APP: variants seen among roughly 807,000 people sequenced by gnomAD.
APP encodes amyloid beta precursor protein, also known as amyloid-beta precursor protein.
In APP, 31 loss-of-function variants were observed where a neutral mutation model predicts 101.4. The ratio of observed to expected loss-of-function variants is 0.31; its 90% CI spans 0.23 to 0.41. APP has a LOEUF of 0.41. Among genes scored for constraint, APP ranks in the 10% least tolerant of loss-of-function variants. The pLI is 1.00. For missense variants in APP, 839 were observed against 1,003.7 expected, an observed-to-expected ratio of 0.84 and a Z score of 2.22; for synonymous variants, 366 against 364.4, an observed-to-expected ratio of 1.00 and a Z score of -0.05.
chr21:26,106,996 T>C (rs1431881762), intron 2 of APP, among the ~76,000 whole-genome samples: 5 of 152,148 alleles, frequency 3.3e-5, no homozygotes, highest in African/African-American at 9.7e-5. Flanking sequence ...GCAAAAGAGA[T>C]TGCTGGGTGT....
In APP at chr21:26,021,865, T is replaced by TGTGGTG. The variant is rs527890624; in HGVS notation, c.834_839dup (p.Thr279_Thr280dup). On this transcript the variant is annotated inframe_insertion, in exon 6 of 18. Transcript: ENST00000346798. ...CTCGAACCACCTCTTCCACAGACTC[T>TGTGGTG]GTGGTGGTGGTGGTGGTGGTGGCAA... is the stretch of plus-strand genomic sequence containing the variant. 1.2e-5 allele frequency: 20 copies of TGTGGTG among 1,613,176 alleles called. No individual in the cohort carries two copies. The highest frequency in any genetic ancestry group is 2.2e-5 in the South Asian group (2 of 90,994).
intron 1 of APP, among the ~76,000 whole-genome samples, chr21:26,167,942 A>C (rs2063652936): frequency 6.6e-6 from 1 of 152,192 alleles, no homozygotes; most frequent in South Asian, 2.1e-4. Flanking sequence ...GAGCTTTACT[A>C]TTCTGTGTGT....
At chr21:26,160,563 T>C (rs2063468593) in intron 1 of APP, among the ~76,000 whole-genome samples, 1 of 152,148 alleles carries the variant, frequency 6.6e-6, no homozygotes, top group South Asian at 2.1e-4. Context: ...AAAAATACAA[T>C]TCTTTTAGAT....
chr21:25,986,414 C>A (rs2042638263), intron 8 of APP, among the ~76,000 whole-genome samples: 1 of 152,108 alleles, frequency 6.6e-6, no homozygotes, highest in Admixed American at 6.6e-5. Context: ...CTGATAAAGG[C>A]TAGGATTTCG....
intron 2 of APP, among the ~76,000 whole-genome samples, chr21:26,105,258 G>A (rs1168098712): frequency 3.3e-5 from 5 of 151,828 alleles, no homozygotes; most frequent in Admixed American, 2.0e-4. Context: ...CCAACAAAAC[G>A]GAATCAAAAT....
At chr21:26,103,149 C>T (rs763658214) in intron 2 of APP, among the ~76,000 whole-genome samples, 1 of 152,204 alleles carries the variant, frequency 6.6e-6, no homozygotes, top group Non-Finnish European at 1.5e-5. Context: ...TGGAAGCATA[C>T]TTTGTAATAT....
At chr21:26,026,435 G>GAAGGAGAAATGACATCACA (rs1460365079) in intron 5 of APP, among the ~76,000 whole-genome samples, 1 of 152,218 alleles carries the variant, frequency 6.6e-6, no homozygotes, top group Admixed American at 6.6e-5. Context: ...TTACTTGGAT[G>GAAGGAGAAATGACATCACA]AAGGAGAAAT....
At chr21:25,929,278 TATA>T (rs1426591986) in intron 13 of APP, among the ~76,000 whole-genome samples, 6 of 152,194 alleles carry the variant, frequency 3.9e-5, no homozygotes, top group East Asian at 1.9e-4. Flanking sequence ...ATTAATAAAA[TATA>T]ATGTTTTTAC....
chr21:26,027,232 C>G (rs1340929284), intron 5 of APP, among the ~76,000 whole-genome samples: 1 of 152,014 alleles, frequency 6.6e-6, no homozygotes, highest in African/African-American at 2.4e-5. Flanking sequence ...GAAAGCTCAG[C>G]AGGAAGAGGT....
intron 6 of APP, among the ~76,000 whole-genome samples, chr21:26,018,090 T>C (rs571844923): frequency 6.6e-6 from 1 of 152,362 alleles, no homozygotes; most frequent in East Asian, 1.9e-4. Flanking sequence ...TCATCGATTC[T>C]AACACAATAT....
chr21:25,991,657 C>T (rs112685277), intron 8 of APP, among the ~76,000 whole-genome samples: 25,565 of 152,176 alleles, frequency 0.17, 2,317 homozygotes, highest in South Asian at 0.34. Context: ...GGATTACAGG[C>T]GTGAGCCACT....
intron 13 of APP, among the ~76,000 whole-genome samples, chr21:25,952,355 G>A (rs1056543832): frequency 2.0e-5 from 3 of 146,450 alleles, no homozygotes; most frequent in Non-Finnish European, 4.5e-5. Context: ...CCCCTAATAT[G>A]TTCTTAATCC....
intron 3 of APP, among the ~76,000 whole-genome samples, chr21:26,076,237 T>C (rs543699997): frequency 5.3e-5 from 8 of 152,290 alleles, no homozygotes; most frequent in Non-Finnish European, 7.4e-5. Context: ...TTTCTTTACG[T>C]ATCCCTCAGG....
intron 13 of APP, among the ~76,000 whole-genome samples, chr21:25,944,255 G>GGCCTTGACCCCCT (rs1392052632): frequency 6.6e-6 from 1 of 152,136 alleles, no homozygotes; most frequent in Non-Finnish European, 1.5e-5. Context: ...GTAACGCCCT[G>GGCCTTGACCCCCT]GCCTTGACCC....
chr21:25,927,929 T>C (rs1304535805), intron 13 of APP, among the ~76,000 whole-genome samples: 1 of 152,132 alleles, frequency 6.6e-6, no homozygotes, highest in East Asian at 1.9e-4. Context: ...TAAAAGCAGA[T>C]TGTAGGGCTC....
intron 6 of APP, among the ~76,000 whole-genome samples, chr21:26,005,393 G>A (rs949413842): frequency 7.9e-5 from 12 of 152,106 alleles, no homozygotes; most frequent in African/African-American, 2.2e-4. Flanking sequence ...CAGCCTGGGC[G>A]ACAGAGTGAG....
At chr21:26,153,927 T>C (rs1424960153) in intron 1 of APP, among the ~76,000 whole-genome samples, 1 of 152,168 alleles carries the variant, frequency 6.6e-6, no homozygotes, top group African/African-American at 2.4e-5. Flanking sequence ...AAAATAACTT[T>C]CAATTCTAAA....
chr21:26,074,724 C>G (rs1250819397), intron 3 of APP, among the ~76,000 whole-genome samples: 1 of 151,048 alleles, frequency 6.6e-6, no homozygotes, highest in Non-Finnish European at 1.5e-5. Context: ...GCACTCCAGC[C>G]TGGGTGACAG....
chr21:25,964,606 CTT>C (rs150904952), intron 11 of APP, among the ~76,000 whole-genome samples: 82 of 122,540 alleles, frequency 6.7e-4, no homozygotes, highest in African/African-American at 1.5e-3. Context: ...TTTTTCTTTT[CTT>C]TTTTTTTTTT....
Sources: allele counts gnomAD v4.1 joint callset (sites outside exome capture counted in the v4.1 genomes callset), GRCh38; gene constraint gnomAD v4.1.1; transcripts MANE v1.5; gene names NCBI Gene and HGNC (gene_info 2026-07-23, HGNC 2026-07-21).